CTNNA3: variants seen among roughly 807,000 people sequenced by gnomAD.
CTNNA3 encodes the protein catenin alpha-3.
CTNNA3 carries 76 observed loss-of-function variants against 95.7 expected under a neutral mutation model. The observed-to-expected ratio is 0.79, with a 90% CI of 0.66 to 0.96. CTNNA3 has a LOEUF of 0.96. CTNNA3 is among the 40% of genes least tolerant of loss of function. The pLI is 0.00. For missense variants in CTNNA3, 1,191 were observed against 1,089.8 expected (o/e 1.09, Z -1.31); for synonymous variants, 431 against 374.4 (o/e 1.15, Z -1.74).
chr10:67,401,810 G>A (rs940110868), intron 5 of CTNNA3, among the ~76,000 whole-genome samples: 3 of 152,174 alleles, frequency 2.0e-5, no homozygotes, highest in Non-Finnish European at 4.4e-5. Context: ...CTACTAGATT[G>A]TAGCCCAAAC....
At chr10:67,485,290 A>G (rs1236550629) in intron 5 of CTNNA3, among the ~76,000 whole-genome samples, 1 of 152,152 alleles carries the variant, frequency 6.6e-6, no homozygotes, top group Non-Finnish European at 1.5e-5. Context: ...GCATAAGGAT[A>G]GCAACAAGCT....
chr10:66,942,105 T>C (rs1237788930), intron 7 of CTNNA3, among the ~76,000 whole-genome samples: 1 of 152,114 alleles, frequency 6.6e-6, no homozygotes, highest in Non-Finnish European at 1.5e-5. Flanking sequence ...CAGCACAATT[T>C]TGAGGATAAA....
chr10:67,185,875 C>T (rs1426036407), intron 6 of CTNNA3, among the ~76,000 whole-genome samples: 1 of 151,820 alleles, frequency 6.6e-6, no homozygotes, highest in Admixed American at 6.6e-5. Flanking sequence ...CAAAAATTAG[C>T]TAGGCATGGT....
intron 10 of CTNNA3, among the ~76,000 whole-genome samples, chr10:66,534,359 A>G (rs1841574869): frequency 6.6e-6 from 1 of 152,014 alleles, no homozygotes; most frequent in Non-Finnish European, 1.5e-5. Context: ...AAAGTTCTTT[A>G]TTACCAGTAT....
intron 11 of CTNNA3, among the ~76,000 whole-genome samples, chr10:66,435,528 C>G (rs2093330815): frequency 1.3e-5 from 2 of 151,866 alleles, no homozygotes. Flanking sequence ...GGTGATATCC[C>G]CTTTATCATT....
At chr10:66,997,346 A>G (rs971518319) in intron 7 of CTNNA3, among the ~76,000 whole-genome samples, 1 of 152,196 alleles carries the variant, frequency 6.6e-6, no homozygotes, top group Non-Finnish European at 1.5e-5. Context: ...AATGACCACA[A>G]ATTCTTTCTT....
At chr10:65,957,679 G>A (rs2133229351) in intron 17 of CTNNA3, among the ~76,000 whole-genome samples, 1 of 152,242 alleles carries the variant, frequency 6.6e-6, no homozygotes, top group African/African-American at 2.4e-5. Context: ...CAAATTCTGG[G>A]TTGAATATTC....
At chr10:67,064,429 TTATG>T (rs1855950561) in intron 7 of CTNNA3, among the ~76,000 whole-genome samples, 1 of 152,120 alleles carries the variant, frequency 6.6e-6, no homozygotes, top group African/African-American at 2.4e-5. Context: ...TTTCATAAAT[TTATG>T]TATTTTAGAA....
intron 11 of CTNNA3, among the ~76,000 whole-genome samples, chr10:66,413,285 T>C (rs909531742): frequency 2.0e-5 from 3 of 152,140 alleles, no homozygotes; most frequent in Admixed American, 6.5e-5. Context: ...GAATCTCAGG[T>C]ACCACTCCGG....
chr10:67,706,303 C>T (rs777462800), intron 1 of CTNNA3, among the ~76,000 whole-genome samples: 70 of 151,658 alleles, frequency 4.6e-4, no homozygotes, highest in Admixed American at 6.6e-4. Context: ...GATTAACTCA[C>T]CCTGCAGGGA....
At position 66,005,660 on chromosome 10, in the gene CTNNA3, G is replaced by A. The variant is rs116526122; in HGVS notation, c.2160-16863C>T. 6.1e-3 allele frequency among the ~76,000 whole-genome samples: 933 copies of A among 152,054 alleles called. 13 individuals are homozygous for A. The highest frequency in any genetic ancestry group is 0.021 in the African/African-American group (886 of 41,466). On this transcript the variant is annotated intron_variant, in intron 15 of 17. Coordinates refer to ENST00000433211, the MANE Select transcript of CTNNA3 (RefSeq NM_013266.4). The stretch of plus-strand genomic sequence containing the variant: ...GTTTAACCTGCCTTTTCCCTCTCCT[G>A]GTGTTACACATTATATAAATACTCC...
At chr10:66,619,319 C>T (rs942504752) in intron 10 of CTNNA3, among the ~76,000 whole-genome samples, 5 of 150,498 alleles carry the variant, frequency 3.3e-5, no homozygotes, top group African/African-American at 9.8e-5. Flanking sequence ...CCCAAATGTC[C>T]AACAACGATA....
chr10:67,437,824 A>G (rs1159622054), intron 5 of CTNNA3, among the ~76,000 whole-genome samples: 1 of 152,006 alleles, frequency 6.6e-6, no homozygotes, highest in East Asian at 1.9e-4. Context: ...ATAAGCCTAT[A>G]ATTACTTTTT....
Position 66,082,148 on chromosome 10 carries a change from T to C in CTNNA3, c.1978-12659A>G, listed in dbSNP as rs138549311. Among the ~76,000 whole-genome samples, 388 of 150,458 alleles carry C rather than the reference T, an allele frequency of 2.6e-3. 6 individuals are homozygous for C. Among genetic ancestry groups the C allele is most frequent in the African/African-American group, 9.2e-3 (375 of 40,968 alleles). On this transcript the variant is annotated intron_variant, in intron 14 of 17. Transcript: ENST00000433211. ...TAAAAATAAAAATAAACATAAAAAC[T>C]GGCACTGCACCCAAGATATTAACTA... is the stretch of plus-strand genomic sequence containing the variant.
chr10:67,160,718 G>A (rs1457245658), intron 7 of CTNNA3, among the ~76,000 whole-genome samples: 1 of 152,138 alleles, frequency 6.6e-6, no homozygotes. Context: ...TTACAGGTGT[G>A]AGCCACTGTG....
chr10:67,703,890 C>T (rs1260278889), intron 1 of CTNNA3, among the ~76,000 whole-genome samples: 2 of 152,128 alleles, frequency 1.3e-5, no homozygotes, highest in Admixed American at 1.3e-4. Context: ...CTGTCTCAGC[C>T]CTAAATCTCC....
intron 9 of CTNNA3, among the ~76,000 whole-genome samples, chr10:66,707,579 A>G (rs1848157604): frequency 6.6e-6 from 1 of 152,074 alleles, no homozygotes. Context: ...TGATTCTAAC[A>G]TGTTGGGAGT....
chr10:66,446,551 T>G (rs542380742), intron 11 of CTNNA3, among the ~76,000 whole-genome samples: 1 of 151,580 alleles, frequency 6.6e-6, no homozygotes, highest in Non-Finnish European at 1.5e-5. Flanking sequence ...ATCCAGCATA[T>G]AAACAGAACC....
intron 11 of CTNNA3, among the ~76,000 whole-genome samples, chr10:66,434,857 G>A (rs983640278): frequency 1.3e-5 from 2 of 151,734 alleles, no homozygotes; most frequent in Admixed American, 1.3e-4. Flanking sequence ...AGCATGAAGG[G>A]GTGTTGAATT....
Sources: allele counts gnomAD v4.1 joint callset (sites outside exome capture counted in the v4.1 genomes callset), GRCh38; gene constraint gnomAD v4.1.1; transcripts MANE v1.5; gene names NCBI Gene and HGNC (gene_info 2026-07-23, HGNC 2026-07-21).